Variants in GRIA1 observed in about 807,000 individuals in gnomAD.
The protein encoded by GRIA1 is glutamate ionotropic receptor AMPA type subunit 1.
A neutral mutation model predicts 99.2 loss-of-function variants in GRIA1; 31 were observed. The ratio of observed to expected loss-of-function variants is 0.31; its 90% CI spans 0.23 to 0.42. The LOEUF is 0.42. Ranked by LOEUF, GRIA1 falls within the 10% of genes least tolerant of loss-of-function variation. The pLI, the probability that GRIA1 is intolerant of heterozygous loss-of-function variation, is 1.00. For missense variants in GRIA1, 782 were observed against 1,157.5 expected, an observed-to-expected ratio of 0.68 and a Z score of 4.71; for synonymous variants, 438 against 432.4, an observed-to-expected ratio of 1.01 and a Z score of -0.16.
At chr5:153,491,449 G>A (rs2195450) in intron 1 of GRIA1, 66,875 of 320,324 alleles carry the variant, frequency 0.21, 7,915 homozygotes, top group Non-Finnish European at 0.25. Context: ...AGAGACCCTC[G>A]AGAAGAAGGA....
intron 15 of GRIA1, among the ~76,000 whole-genome samples, chr5:153,804,372 C>T (rs183391964): frequency 6.6e-5 from 10 of 152,234 alleles, no homozygotes; most frequent in South Asian, 2.1e-4. Flanking sequence ...GCTCTTTGAC[C>T]ATTCCATTCA....
chr5:153,667,965 G>T (rs550783993), intron 5 of GRIA1, among the ~76,000 whole-genome samples: 5 of 152,138 alleles, frequency 3.3e-5, no homozygotes, highest in African/African-American at 7.2e-5. Flanking sequence ...TTAATTGAGC[G>T]CATTTACTCC....
intron 11 of GRIA1, among the ~76,000 whole-genome samples, chr5:153,748,029 G>A (rs1229582240): frequency 6.6e-6 from 1 of 152,236 alleles, no homozygotes; most frequent in Non-Finnish European, 1.5e-5. Context: ...CTAGTGCTGA[G>A]GGTGTAGCAG....
At chr5:153,751,837 G>A (rs1484382306) in intron 11 of GRIA1, among the ~76,000 whole-genome samples, 1 of 152,166 alleles carries the variant, frequency 6.6e-6, no homozygotes, top group Non-Finnish European at 1.5e-5. Context: ...AAGGAAAAAA[G>A]ATCCTTTGCA....
chr5:153,696,031 A>C (rs1034832939), intron 8 of GRIA1, among the ~76,000 whole-genome samples: 1 of 152,048 alleles, frequency 6.6e-6, no homozygotes, highest in Non-Finnish European at 1.5e-5. Context: ...AGACACACAA[A>C]CAGCTAGACC....
At chr5:153,797,668 A>T (rs1472555832) in intron 14 of GRIA1, among the ~76,000 whole-genome samples, 1 of 152,184 alleles carries the variant, frequency 6.6e-6, no homozygotes, top group African/African-American at 2.4e-5. Flanking sequence ...TGCAAGCCAC[A>T]TCATCTCCTC....
Position 153,737,231 on chromosome 5 carries a change from C to G in GRIA1, c.1824-27203C>G, listed in dbSNP as rs1163208966. 2.0e-5 allele frequency among the ~76,000 whole-genome samples: 3 copies of G among 146,830 alleles called. No individual in the cohort carries two copies. In the East Asian group the frequency reaches 6.0e-4, roughly 29 times the overall value. On this transcript the variant is annotated intron_variant, in intron 11 of 15. Coordinates refer to ENST00000285900, the MANE Select transcript of GRIA1 (RefSeq NM_000827.4). ...AATCTCATCTCATCTTCATAACAAC[C>G]TTTTGAGTTAACAATTAAGGATACT...
chr5:153,582,064 C>T (rs1973372), intron 2 of GRIA1, among the ~76,000 whole-genome samples: 7,655 of 152,214 alleles, frequency 0.05, 267 homozygotes, highest in Non-Finnish European at 0.076. Flanking sequence ...AGCCTGAGAT[C>T]CTTTCTTTCT....
chr5:153,598,537 A>G (rs763787074), intron 2 of GRIA1, among the ~76,000 whole-genome samples: 2 of 152,190 alleles, frequency 1.3e-5, no homozygotes, highest in African/African-American at 2.4e-5. Flanking sequence ...TTGAATGCCA[A>G]GCAGCAGAGG....
rs1021481858 is a variant in GRIA1 at position 153,684,693 on chromosome 5, T to C, written c.1030-1532T>C. Among the ~76,000 whole-genome samples, 3 of 152,352 alleles carry C rather than the reference T, an allele frequency of 2.0e-5. No homozygotes were observed. In the East Asian group the frequency reaches 5.8e-4, roughly 29 times the overall value. On this transcript the variant is annotated intron_variant, in intron 7 of 15. Transcript: ENST00000285900. ...ACACTAAAGATTGGCAAGAGATTACTGAGGTGATAAGAAGGTGAAGTTGCT... is the reference window on the plus strand; with the variant it reads ...ACACTAAAGATTGGCAAGAGATTACCGAGGTGATAAGAAGGTGAAGTTGCT...
chr5:153,593,409 T>C (rs1211457505), intron 2 of GRIA1, among the ~76,000 whole-genome samples: 3 of 152,160 alleles, frequency 2.0e-5, no homozygotes, highest in Non-Finnish European at 4.4e-5. Flanking sequence ...CGTTTCCTGA[T>C]TTTTCAATTT....
chr5:153,493,875 A>G, intron 1 of GRIA1, 53 bp from the exon 2 acceptor site: 1 of 1,597,214 alleles, frequency 6.3e-7, no homozygotes, highest in South Asian at 1.1e-5. Flanking sequence ...AGTCGTGAGG[A>G]ACTAAAACCT....
chr5:153,705,553 G>A, intron 10 of GRIA1, 144 bp from the exon 11 acceptor site: 2 of 966,250 alleles, frequency 2.1e-6, no homozygotes, highest in Non-Finnish European at 2.9e-6. Context: ...GAGTAGGAGG[G>A]GTTGGACTTC....
intron 12 of GRIA1, among the ~76,000 whole-genome samples, chr5:153,765,906 T>C (rs2149610453): frequency 6.6e-6 from 1 of 152,286 alleles, no homozygotes; most frequent in African/African-American, 2.4e-5. Flanking sequence ...TCACCTAAGA[T>C]CACACAGCTA....
At chr5:153,512,391 C>G (rs17114692) in intron 2 of GRIA1, among the ~76,000 whole-genome samples, 21,339 of 152,138 alleles carry the variant, frequency 0.14, 1,827 homozygotes, top group African/African-American at 0.25. Context: ...GTTGGAGGCT[C>G]TGAGAAGGAA....
At chr5:153,555,221 A>G (rs1164783470) in intron 2 of GRIA1, among the ~76,000 whole-genome samples, 1 of 151,818 alleles carries the variant, frequency 6.6e-6, no homozygotes, top group African/African-American at 2.4e-5. Context: ...AAAAGAACCA[A>G]TAATGATCTC....
At chr5:153,767,109 A>G (rs1032014870) in intron 12 of GRIA1, among the ~76,000 whole-genome samples, 3 of 152,196 alleles carry the variant, frequency 2.0e-5, no homozygotes, top group Admixed American at 6.5e-5. Flanking sequence ...GGTACCAAGA[A>G]AGCCAGGTAT....
At chr5:153,765,005 G>T (rs1183312812) in intron 12 of GRIA1, among the ~76,000 whole-genome samples, 1 of 152,226 alleles carries the variant, frequency 6.6e-6, no homozygotes, top group Middle Eastern at 3.4e-3. Context: ...GATGCTCTTT[G>T]TGTCCCCTCC....
intron 7 of GRIA1, among the ~76,000 whole-genome samples, chr5:153,680,242 C>T (rs927524967): frequency 4.6e-5 from 7 of 152,018 alleles, no homozygotes; most frequent in South Asian, 2.1e-4. Flanking sequence ...CCCTTCACTC[C>T]GCTGTAATTT....
Sources: allele counts gnomAD v4.1 joint callset (sites outside exome capture counted in the v4.1 genomes callset), GRCh38; gene constraint gnomAD v4.1.1; transcripts MANE v1.5; gene names NCBI Gene and HGNC (gene_info 2026-07-23, HGNC 2026-07-21).